Variants in DTD1 observed in about 807,000 individuals in gnomAD.
The protein encoded by DTD1 is D-tyrosyl-tRNA deacylase 1 homolog.
In DTD1, 13 loss-of-function variants were observed where a neutral mutation model predicts 25.6. That is an observed-to-expected ratio of 0.51 (90% CI 0.33 to 0.81). DTD1 has a LOEUF of 0.81. Ranked by LOEUF, DTD1 falls within the 30% of genes least tolerant of loss-of-function variation. The probability of loss-of-function intolerance (pLI) is 0.02; values close to 1 mark genes in which losing one functional copy is unlikely to be tolerated. For synonymous variants in DTD1, 110 were observed against 103.6 expected (o/e 1.06, Z -0.37); for missense variants, 193 against 266.4 (o/e 0.72, Z 1.92).
At chr20:18,649,732 A>G (rs1266865788) in intron 4 of DTD1, among the ~76,000 whole-genome samples, 1 of 152,128 alleles carries the variant, frequency 6.6e-6, no homozygotes, top group Non-Finnish European at 1.5e-5. Flanking sequence ...CTTACTGTAA[A>G]TGTGAGTTGA....
intron 4 of DTD1, among the ~76,000 whole-genome samples, chr20:18,645,947 C>T (rs770237653): frequency 2.6e-5 from 4 of 152,126 alleles, no homozygotes; most frequent in Non-Finnish European, 5.9e-5. Flanking sequence ...ATAGTAATTC[C>T]GAGGGTATTT....
At chr20:18,723,716 A>T (rs2061213769) in intron 4 of DTD1, among the ~76,000 whole-genome samples, 1 of 152,224 alleles carries the variant, frequency 6.6e-6, no homozygotes. Flanking sequence ...CATACCTCAA[A>T]TTCATGCGTG....
intron 4 of DTD1, among the ~76,000 whole-genome samples, chr20:18,677,527 G>A (rs1245237716): frequency 1.3e-5 from 2 of 152,082 alleles, no homozygotes; most frequent in Admixed American, 6.5e-5. Flanking sequence ...TGAGCAGAAC[G>A]CTTTGCTCTG....
chr20:18,706,102 A>T (rs1252978832), intron 4 of DTD1, among the ~76,000 whole-genome samples: 1 of 152,184 alleles, frequency 6.6e-6, no homozygotes, highest in Admixed American at 6.5e-5. Context: ...GTTGCCAAAG[A>T]TTCAGCAGTT....
intron 4 of DTD1, among the ~76,000 whole-genome samples, chr20:18,678,237 A>T (rs572096077): frequency 1.6e-4 from 25 of 152,364 alleles, no homozygotes; most frequent in Non-Finnish European, 2.9e-4. Flanking sequence ...ACCTGGGGCC[A>T]TGGGGCCACC....
At chr20:18,717,516 G>T (rs913264488) in intron 4 of DTD1, among the ~76,000 whole-genome samples, 1 of 152,086 alleles carries the variant, frequency 6.6e-6, no homozygotes, top group African/African-American at 2.4e-5. Context: ...TAGTAAATTC[G>T]TGACATACCT....
At chr20:18,659,657 A>G (rs2060902076) in intron 4 of DTD1, among the ~76,000 whole-genome samples, 1 of 152,210 alleles carries the variant, frequency 6.6e-6, no homozygotes, top group African/African-American at 2.4e-5. Context: ...ATAGGAACAG[A>G]AAACCAGACA....
intron 4 of DTD1, among the ~76,000 whole-genome samples, chr20:18,692,555 G>A (rs1971557629): frequency 6.6e-6 from 1 of 152,172 alleles, no homozygotes; most frequent in Non-Finnish European, 1.5e-5. Flanking sequence ...GAAGACAAAT[G>A]CCTGCTAGCT....
intron 3 of DTD1, among the ~76,000 whole-genome samples, chr20:18,620,775 A>G (rs2060730859): frequency 6.6e-6 from 1 of 151,782 alleles, no homozygotes; most frequent in Non-Finnish European, 1.5e-5. Context: ...AATTTTTTTT[A>G]AGAGGTAGAA....
intron 4 of DTD1, among the ~76,000 whole-genome samples, chr20:18,667,465 C>T (rs1261107270): frequency 6.6e-6 from 1 of 152,132 alleles, no homozygotes; most frequent in Non-Finnish European, 1.5e-5. Flanking sequence ...TTTTGGGACT[C>T]GGGAACCAAA....
intron 4 of DTD1, among the ~76,000 whole-genome samples, chr20:18,693,609 G>A (rs977259167): frequency 6.6e-6 from 1 of 151,208 alleles, no homozygotes; most frequent in Non-Finnish European, 1.5e-5. Flanking sequence ...GCTAGCCAAG[G>A]TTGCGCCATT....
At chr20:18,734,860 A>T (rs2061250089) in intron 4 of DTD1, among the ~76,000 whole-genome samples, 1 of 152,178 alleles carries the variant, frequency 6.6e-6, no homozygotes, top group Admixed American at 6.5e-5. Flanking sequence ...GAAATGAGTT[A>T]ATGGGCTAAT....
chr20:18,597,034 A>G (rs2060614803), intron 3 of DTD1, among the ~76,000 whole-genome samples: 1 of 152,178 alleles, frequency 6.6e-6, no homozygotes. Flanking sequence ...CTACCATTAC[A>G]GTATCATACA....
At chr20:18,626,374 G>A (rs1348902610) in intron 3 of DTD1, among the ~76,000 whole-genome samples, 1 of 152,202 alleles carries the variant, frequency 6.6e-6, no homozygotes, top group African/African-American at 2.4e-5. Context: ...AGCTGTTAGG[G>A]CCTTGAAAAG....
intron 3 of DTD1, among the ~76,000 whole-genome samples, chr20:18,608,013 C>T (rs962787598): frequency 4.6e-5 from 7 of 152,126 alleles, no homozygotes; most frequent in African/African-American, 1.7e-4. Context: ...TGCACCCAGC[C>T]TGTCTATTTC....
chr20:18,758,028 A>G (rs1394251247), intron 5 of DTD1, among the ~76,000 whole-genome samples: 4 of 152,070 alleles, frequency 2.6e-5, no homozygotes, highest in Admixed American at 2.0e-4. Flanking sequence ...GAATTTATCC[A>G]TTTCTTCTAG....
intron 4 of DTD1, among the ~76,000 whole-genome samples, chr20:18,714,046 G>A (rs981215041): frequency 1.4e-4 from 21 of 152,176 alleles, no homozygotes; most frequent in African/African-American, 4.6e-4. Flanking sequence ...AGGTCTGCAC[G>A]CTTTAGCTCA....
chr20:18,697,703 G>T (rs529103397), intron 4 of DTD1, among the ~76,000 whole-genome samples: 1 of 152,176 alleles, frequency 6.6e-6, no homozygotes, highest in South Asian at 2.1e-4. Context: ...GTTTGTTTTT[G>T]AGACAGAGTC....
intron 4 of DTD1, among the ~76,000 whole-genome samples, chr20:18,632,949 A>G (rs577205645): frequency 1.1e-4 from 16 of 152,272 alleles, no homozygotes; most frequent in African/African-American, 3.6e-4. Context: ...ATGGTGTGCT[A>G]GGCACTGTGA....
Sources: allele counts gnomAD v4.1 joint callset (sites outside exome capture counted in the v4.1 genomes callset), GRCh38; gene constraint gnomAD v4.1.1; transcripts MANE v1.5; gene names NCBI Gene and HGNC (gene_info 2026-07-23, HGNC 2026-07-21).